The following FBXO5 variants were observed in gnomAD, a reference collection of about 807,000 sequenced individuals.
FBXO5 encodes the protein F-box only protein 5.
Under a neutral mutation model 43.3 loss-of-function variants are expected in FBXO5, and 8 were observed. The observed-to-expected ratio is 0.18, with a 90% CI of 0.11 to 0.33. FBXO5 has a LOEUF of 0.33. FBXO5 is among the 10% of genes least tolerant of loss of function. The pLI, the probability that FBXO5 is intolerant of heterozygous loss-of-function variation, is 1.00. For missense variants in FBXO5, 491 were observed against 535.7 expected (o/e 0.92, Z 0.82); for synonymous variants, 204 against 193.7 (o/e 1.05, Z -0.44).
chr6:152,975,146 T>C lies in FBXO5; in HGVS notation c.579A>G (p.Pro193=), dbSNP rs748149130. The change falls in exon 2 of 5, where the codon CCA becomes CCG. Residue 193 remains proline (P), a synonymous_variant. Transcript: ENST00000229758. ...PDQYPNKNLL[P]VLHFEKVVCS... The stretch of plus-strand genomic sequence containing the variant: ...AAACCACTTTTTCAAAATGAAGAAC[T>C]GGCAGCAAGTTTTTGTTGGGATATT... 27 of 1,614,088 alleles carry C rather than the reference T, an allele frequency of 1.7e-5. No individual in the cohort carries two copies. The highest frequency in any genetic ancestry group is 3.3e-4 in the Middle Eastern group (2 of 6,084).
intron 1 of FBXO5, among the ~76,000 whole-genome samples, chr6:152,977,709 A>G (rs1190405613): frequency 6.6e-6 from 1 of 152,182 alleles, no homozygotes; most frequent in Non-Finnish European, 1.5e-5. Flanking sequence ...TATGACCACA[A>G]TTTACATGAC....
At chr6:152,972,798 C>T (rs1778106443) in intron 3 of FBXO5, 6 of 496,252 alleles carry the variant, frequency 1.2e-5, no homozygotes, top group Admixed American at 3.4e-5. Context: ...ACTAAATGGT[C>T]GACTCTATCT....
chr6:152,983,339 G>A (rs1778298764), upstream of FBXO5: 1 of 195,250 alleles, frequency 5.1e-6, no homozygotes, highest in Non-Finnish European at 1.0e-5. Flanking sequence ...GCATGCGTGC[G>A]CCCGCCAAGA....
In FBXO5 at chr6:152,971,313, T is replaced by C. The variant is rs1778082535; in HGVS notation, c.1194A>G (p.Arg398=). ...DCYLQRATCK[R]EGCGFDYCTK... ...TACAATAATCAAATCCACAGCCTTCTCGTTTGCAGGTTGCCCGTTGTAAAT... is the reference window on the plus strand; with the variant it reads ...TACAATAATCAAATCCACAGCCTTCCCGTTTGCAGGTTGCCCGTTGTAAAT... Residue 398 remains arginine, a synonymous_variant, in exon 5 of 5, where the codon CGA becomes CGG. Coordinates refer to ENST00000229758, the MANE Select transcript of FBXO5 (RefSeq NM_012177.5). 2 of 1,613,974 alleles carry C rather than the reference T, an allele frequency of 1.2e-6. No individual in the cohort carries two copies. Among genetic ancestry groups the C allele is most frequent in the South Asian group, 2.2e-5 (2 of 91,084 alleles).
Position 152,973,094 on chromosome 6 carries a change from A to G in FBXO5, c.861T>C (p.Asp287=). 2 of 1,613,936 alleles carry G rather than the reference A, an allele frequency of 1.2e-6. No homozygotes were observed. The highest frequency in any genetic ancestry group is 1.7e-6 in the Non-Finnish European group (2 of 1,179,894). ...TGTACAACTGGAATGCCCCCTTATCATCTTCTAGGATCTTCTTCCAAGTTG... is the reference window on the plus strand; with the variant it reads ...TGTACAACTGGAATGCCCCCTTATCGTCTTCTAGGATCTTCTTCCAAGTTG... ...VSTTWKKILE[D]DKGAFQLYSK... The change falls in exon 3 of 5, where the codon GAT becomes GAC. Residue 287 remains aspartate (D), a synonymous_variant. Coordinates refer to ENST00000229758, the MANE Select transcript of FBXO5 (RefSeq NM_012177.5).
chr6:152,973,007 G>A (rs537731928), intron 3 of FBXO5, 39 bp downstream of exon 3: 12 of 1,497,690 alleles, frequency 8.0e-6, no homozygotes, highest in Admixed American at 1.7e-5. Context: ...AGCACTAACA[G>A]TGCATTTTTA....
intron 1 of FBXO5, among the ~76,000 whole-genome samples, chr6:152,981,275 CA>C (rs977790232): frequency 3.9e-5 from 6 of 152,200 alleles, no homozygotes; most frequent in Non-Finnish European, 1.5e-5. Context: ...GTAAATTTTA[CA>C]ATGTTTGATC....
chr6:152,983,236 G>A, upstream of FBXO5: 1 of 341,658 alleles, frequency 2.9e-6, no homozygotes, highest in Admixed American at 4.8e-5. Flanking sequence ...CAGCTTACCG[G>A]CTCCCCACGT....
chr6:152,980,054 G>A (rs1323715375), intron 1 of FBXO5, among the ~76,000 whole-genome samples: 1 of 152,180 alleles, frequency 6.6e-6, no homozygotes, highest in Non-Finnish European at 1.5e-5. Flanking sequence ...AAAAATGGAA[G>A]CTGAAGCAAC....
In FBXO5 at chr6:152,972,392, T is replaced by G. The variant is rs758615342; in HGVS notation, c.972A>C (p.Pro324=). ...CTGCTGATTTCTGAACAGAAGCCAGTGGGGTTCTGAACATAACATATTCTC... is the reference window on the plus strand; with the variant it reads ...CTGCTGATTTCTGAACAGAAGCCAGGGGGGTTCTGAACATAACATATTCTC... The part of the protein sequence containing the change: ...STREYVMFRT[P]LASVQKSAAQ... Residue 324 remains proline, a synonymous_variant, in exon 4 of 5, where the codon CCA becomes CCC. Transcript: ENST00000229758. 3.1e-6 allele frequency: 5 copies of G among 1,612,528 alleles called. No individual in the cohort carries two copies. The highest frequency in any genetic ancestry group is 2.5e-6 in the Non-Finnish European group (3 of 1,179,038).
chr6:152,982,344 C>A (rs776901132), intron 1 of FBXO5, among the ~76,000 whole-genome samples: 10 of 152,094 alleles, frequency 6.6e-5, no homozygotes, highest in Non-Finnish European at 1.2e-4. Context: ...AAGGCTGGGA[C>A]CGCGAAAAAT....
Position 152,975,081 on chromosome 6 carries a change from A to ACTTTAGGATTTC in FBXO5, c.632_643dup (p.Lys214_Val215insGlyAsnProLys). ...AATTTCCTTCAGCATCTCCCGATCT[A>ACTTTAGGATTTC]CTTTAGGATTTCGTTTTGCATTCTT... On this transcript the variant is annotated inframe_insertion, in exon 2 of 5. Coordinates refer to ENST00000229758, the MANE Select transcript of FBXO5 (RefSeq NM_012177.5). 6.2e-7 allele frequency: 1 copy of ACTTTAGGATTTC among 1,614,180 alleles called. No individual in the cohort carries two copies. The highest frequency in any genetic ancestry group is 8.5e-7 in the Non-Finnish European group (1 of 1,180,036).
chr6:152,976,994 G>A (rs555423206), intron 1 of FBXO5, among the ~76,000 whole-genome samples: 1 of 152,254 alleles, frequency 6.6e-6, no homozygotes, highest in African/African-American at 2.4e-5. Flanking sequence ...AGGGAAAAAG[G>A]CCAGATGCAA....
At chr6:152,978,393 GC>G (rs1330851767) in intron 1 of FBXO5, among the ~76,000 whole-genome samples, 143 of 24,340 alleles carry the variant, frequency 5.9e-3, no homozygotes, top group Admixed American at 7.6e-3. Flanking sequence ...GGGGGGGGGG[GC>G]GGGGGACTTC....
rs1208593286 is a variant in FBXO5, at chr6:152,970,902, G to A, written c.*261C>T. The A allele has an allele frequency of 6.9e-6, 2 of 291,358 alleles. No individual in the cohort carries two copies. Among genetic ancestry groups the A allele is most frequent in the Non-Finnish European group, 1.3e-5 (2 of 158,794 alleles). The allele number at this position is 291,358 out of a possible 1,614,324, so 18.0% of individuals were successfully genotyped here. On this transcript the variant is annotated 3_prime_UTR_variant, in exon 5 of 5. Coordinates refer to ENST00000229758, the MANE Select transcript of FBXO5 (RefSeq NM_012177.5). ...TTGAATCAATTTTTTTTTACCCTCA[G>A]TATCACTATCTACTTTTCCTTTTTT...
chr6:152,983,067 T>G, upstream of FBXO5: 1 of 590,808 alleles, frequency 1.7e-6, no homozygotes, highest in Non-Finnish European at 2.6e-6. Flanking sequence ...AGCTGGTACT[T>G]TTAAAATCTT....
In FBXO5 at chr6:152,975,258, A is replaced by C; in HGVS notation, c.467T>G (p.Leu156Arg). The C allele has an allele frequency of 6.2e-7, 1 of 1,614,170 alleles. No homozygotes were observed. The highest frequency in any genetic ancestry group is 8.5e-7 in the Non-Finnish European group (1 of 1,180,026). ...GYSSFSLQSG[L>R]SEHEEGSLLE... ...GAGGCTACCTTCTTCATGTTCACTGAGGCCACTTTGTAGAGAAAATGAGGA... is the reference window on the plus strand; with the variant it reads ...GAGGCTACCTTCTTCATGTTCACTGCGGCCACTTTGTAGAGAAAATGAGGA... The change falls in exon 2 of 5, where the codon CTC becomes CGC. Residue 156 changes from leucine (L) to arginine (R), a missense_variant. By Grantham distance (102) the Leu-to-Arg change is moderately radical (BLOSUM62 -2). Coordinates refer to ENST00000229758, the MANE Select transcript of FBXO5 (RefSeq NM_012177.5).
At chr6:152,981,644 T>G (rs1422189015) in intron 1 of FBXO5, among the ~76,000 whole-genome samples, 2 of 149,794 alleles carry the variant, frequency 1.3e-5, no homozygotes, top group East Asian at 3.9e-4. Context: ...TAAAGACAAT[T>G]AGAGTTATCA....
At chr6:152,972,208 TTC>T (rs778647564) in intron 4 of FBXO5, 62 bp downstream of exon 4, 3 of 1,257,502 alleles carry the variant, frequency 2.4e-6, no homozygotes, top group Non-Finnish European at 3.3e-6. Context: ...ACCTTGAAAG[TTC>T]TTTTACATTT....
Sources: gnomAD v4.1 joint callset for allele counts (sites outside exome capture counted in the v4.1 genomes callset) on GRCh38, gnomAD v4.1.1 for gene constraint, MANE v1.5 for transcripts, NCBI Gene and HGNC (gene_info 2026-07-23, HGNC 2026-07-21) for gene names.